WDFY1: variants seen among roughly 807,000 people sequenced by gnomAD.
WDFY1 encodes the protein WD repeat and FYVE domain-containing protein 1.
In WDFY1, 32 loss-of-function variants were observed where a neutral mutation model predicts 56.4. The ratio of observed to expected loss-of-function variants is 0.57; its 90% CI spans 0.43 to 0.76. The LOEUF (loss-of-function observed/expected upper bound fraction) is 0.76. WDFY1 is among the 30% of genes least tolerant of loss of function. WDFY1 has a pLI of 0.00. For synonymous variants in WDFY1, 192 were observed against 197.3 expected (o/e 0.97, Z 0.23); for missense variants, 480 against 545.7 (o/e 0.88, Z 1.20).
At chr2:223,921,491 G>A (rs1210101795) in intron 1 of WDFY1, among the ~76,000 whole-genome samples, 1 of 152,096 alleles carries the variant, frequency 6.6e-6, no homozygotes, top group African/African-American at 2.4e-5. Context: ...ACAAACCTAT[G>A]ATTAAAGAGA....
intron 2 of WDFY1, among the ~76,000 whole-genome samples, chr2:223,917,717 C>T (rs895120340): frequency 4.6e-5 from 7 of 152,164 alleles, no homozygotes; most frequent in Non-Finnish European, 8.8e-5. Context: ...GGATTACAGG[C>T]GCACACCACC....
At chr2:223,892,855 T>C (rs1406053398) in intron 8 of WDFY1, among the ~76,000 whole-genome samples, 1 of 152,264 alleles carries the variant, frequency 6.6e-6, no homozygotes, top group African/African-American at 2.4e-5. Context: ...ATAAGCCATT[T>C]ATTAAATACA....
At chr2:223,922,421 C>T (rs989627328) in intron 1 of WDFY1, among the ~76,000 whole-genome samples, 2 of 152,226 alleles carry the variant, frequency 1.3e-5, no homozygotes, top group African/African-American at 4.8e-5. Context: ...AAGAGGCCAA[C>T]TTCCTGCTAA....
intron 2 of WDFY1, among the ~76,000 whole-genome samples, chr2:223,917,157 A>G (rs1693802419): frequency 6.6e-6 from 1 of 152,208 alleles, no homozygotes; most frequent in African/African-American, 2.4e-5. Context: ...TTCATCGTCC[A>G]GATTTATTTA....
At chr2:223,899,608 T>G (rs1429541515) in intron 5 of WDFY1, among the ~76,000 whole-genome samples, 1 of 151,940 alleles carries the variant, frequency 6.6e-6, no homozygotes, top group African/African-American at 2.4e-5. Flanking sequence ...TAGCTGGGCG[T>G]GGTGGCACAC....
At chr2:223,921,474 A>C (rs879150595) in intron 1 of WDFY1, among the ~76,000 whole-genome samples, 7 of 152,234 alleles carry the variant, frequency 4.6e-5, no homozygotes, top group Admixed American at 4.6e-4. Context: ...AAAAATAGAG[A>C]GGAAGAACAA....
At chr2:223,925,727 T>C (rs934933168) in intron 1 of WDFY1, among the ~76,000 whole-genome samples, 1 of 152,246 alleles carries the variant, frequency 6.6e-6, no homozygotes, top group African/African-American at 2.4e-5. Flanking sequence ...CTCCATCACC[T>C]AAGTTTATGG....
intron 5 of WDFY1, 66 bp from the exon 6 acceptor site, chr2:223,899,136 C>T: frequency 1.6e-6 from 2 of 1,280,540 alleles, no homozygotes; most frequent in Non-Finnish European, 1.1e-6. Flanking sequence ...AGAGAGATAC[C>T]AGCATTAGTC....
intron 3 of WDFY1, among the ~76,000 whole-genome samples, chr2:223,911,854 T>C (rs1368641671): frequency 1.3e-5 from 2 of 151,804 alleles, no homozygotes; most frequent in African/African-American, 4.8e-5. Context: ...TTCCCTCTGC[T>C]GCCCAGGCGA....
At chr2:223,897,392 T>TA (rs1559166027) in intron 6 of WDFY1, among the ~76,000 whole-genome samples, 3 of 78,074 alleles carry the variant, frequency 3.8e-5, no homozygotes, top group East Asian at 8.8e-4. Flanking sequence ...ATATATATAT[T>TA]TTTTAAGACG....
chr2:223,884,875 T>TTTC lies in WDFY1; in HGVS notation c.832-127_832-126insGAA, dbSNP rs1693145604. On this transcript the variant is annotated intron_variant, in intron 8 of 11. Coordinates refer to ENST00000233055, the MANE Select transcript of WDFY1 (RefSeq NM_020830.5). ...TCTTTTCTTCTTTTTTTTTTTTTTT[T>TTTC]GGTCTCCCAGGCTGGAGTGCAGTAT... 2.5e-5 allele frequency: 21 copies of TTTC among 849,862 alleles called. No individual in the cohort carries two copies. The African/African-American group carries it at 3.1e-4, about 13-fold the overall frequency. The allele number at this position is 849,862 out of a possible 1,614,324, so 52.6% of individuals were successfully genotyped here.
At chr2:223,884,853 T>TTAC in intron 8 of WDFY1, 104 bp from the exon 9 acceptor site, 1 of 600,578 alleles carries the variant, frequency 1.7e-6, no homozygotes, top group Non-Finnish European at 2.4e-6. Flanking sequence ...TAGTATTTCT[T>TTAC]TTCTTCTTTT....
Position 223,945,279 on chromosome 2 carries a change from C to G in WDFY1, c.6G>C (p.Ala2=). Residue 2 remains alanine, a synonymous_variant, in exon 1 of 12, where the codon GCG becomes GCC. Coordinates refer to ENST00000233055, the MANE Select transcript of WDFY1 (RefSeq NM_020830.5). ...TCTGCGGCCTGGAGTGGATTTCGGC[C>G]GCCATGTTCGCGCGGCGACTGCTGC... M[A]AEIHSRPQSS... 1 of 1,571,054 alleles carries G rather than the reference C, an allele frequency of 6.4e-7. No homozygotes were observed.
At chr2:223,905,797 A>T (rs1446169381) in intron 4 of WDFY1, 150 bp downstream of exon 4, 1 of 489,484 alleles carries the variant, frequency 2.0e-6, no homozygotes, top group African/African-American at 2.0e-5. Context: ...AAAAAGCTGA[A>T]ATATCACTAA....
At chr2:223,938,357 AT>A (rs1328862132) in intron 1 of WDFY1, among the ~76,000 whole-genome samples, 1 of 152,196 alleles carries the variant, frequency 6.6e-6, no homozygotes, top group African/African-American at 2.4e-5. Flanking sequence ...GACTGTCTAC[AT>A]TTTTGGTGCA....
intron 8 of WDFY1, among the ~76,000 whole-genome samples, chr2:223,886,708 C>T (rs1425422269): frequency 1.8e-5 from 2 of 112,416 alleles, no homozygotes; most frequent in African/African-American, 3.6e-5. Context: ...CCAGCCTAGG[C>T]GACAAGAGTG....
At position 223,936,150 on chromosome 2, in the gene WDFY1, C is replaced by T. The variant is rs549673173; in HGVS notation, c.137+8998G>A. On this transcript the variant is annotated intron_variant, in intron 1 of 11. Coordinates refer to ENST00000233055, the MANE Select transcript of WDFY1 (RefSeq NM_020830.5). ...GATCTTGGCTCACTGCAACCTATGC[C>T]CCTTGGGTTCAAGCAATTCTCGTGC... is the stretch of plus-strand genomic sequence containing the variant. Among the ~76,000 whole-genome samples, 9 of 151,424 alleles carry T rather than the reference C, an allele frequency of 5.9e-5. No individual in the cohort carries two copies. In the South Asian group the frequency reaches 1.9e-3, roughly 32 times the overall value.
chr2:223,897,608 G>C (rs1397929629), intron 6 of WDFY1, among the ~76,000 whole-genome samples: 4 of 151,828 alleles, frequency 2.6e-5, no homozygotes, highest in Non-Finnish European at 5.9e-5. Flanking sequence ...TCAAACTCCT[G>C]ACCTCAAGTG....
At chr2:223,920,772 C>A (rs1201005005) in intron 1 of WDFY1, among the ~76,000 whole-genome samples, 1 of 152,134 alleles carries the variant, frequency 6.6e-6, no homozygotes, top group East Asian at 1.9e-4. Context: ...GGATGCATCC[C>A]TCCTCAAGGG....
Sources: allele counts gnomAD v4.1 joint callset (sites outside exome capture counted in the v4.1 genomes callset), GRCh38; gene constraint gnomAD v4.1.1; transcripts MANE v1.5; gene names NCBI Gene and HGNC (gene_info 2026-07-23, HGNC 2026-07-21).